The following RBFOX1 variants were observed in gnomAD, a reference collection of about 807,000 sequenced individuals.
The protein encoded by RBFOX1 is RNA binding protein fox-1 homolog 1.
In RBFOX1, 8 loss-of-function variants were observed where a neutral mutation model predicts 57.7. That is an observed-to-expected ratio of 0.14 (90% confidence interval 0.08 to 0.25). The LOEUF is 0.25. RBFOX1 is among the 10% of genes least tolerant of loss of function. The pLI is 1.00. For missense variants in RBFOX1, 611 were observed against 548.5 expected, an observed-to-expected ratio of 1.11 and a Z score of -1.14; for synonymous variants, 326 against 222.4, an observed-to-expected ratio of 1.47 and a Z score of -4.15.
intron 4 of RBFOX1, among the ~76,000 whole-genome samples, chr16:7,280,463 G>T (rs1464561676): frequency 6.6e-6 from 1 of 152,210 alleles, no homozygotes; most frequent in Admixed American, 6.5e-5. Flanking sequence ...ATAATAAGGT[G>T]TTGGTAGATA....
intron 4 of RBFOX1, among the ~76,000 whole-genome samples, chr16:7,299,301 C>G (rs2095973772): frequency 6.6e-6 from 1 of 152,182 alleles, no homozygotes; most frequent in Non-Finnish European, 1.5e-5. Context: ...TTCTAAACCA[C>G]CAATGTAACT....
intron 3 of RBFOX1, among the ~76,000 whole-genome samples, chr16:6,982,814 G>T (rs945374301): frequency 3.3e-5 from 5 of 151,952 alleles, no homozygotes; most frequent in African/African-American, 1.2e-4. Flanking sequence ...CCAACATGGC[G>T]GAGCCCTGTC....
At chr16:7,028,310 A>C (rs1043306655) in intron 3 of RBFOX1, among the ~76,000 whole-genome samples, 5 of 152,082 alleles carry the variant, frequency 3.3e-5, no homozygotes, top group African/African-American at 1.2e-4. Context: ...CTTGGTATAA[A>C]TGGGCTTCTG....
Position 7,142,606 on chromosome 16 carries a change from T to C in RBFOX1, c.27+90508T>C, listed in dbSNP as rs572562134. On this transcript the variant is annotated intron_variant, in intron 4 of 15. Coordinates refer to ENST00000550418, the MANE Select transcript of RBFOX1 (RefSeq NM_018723.4). ...ATTTTCTCACTGGGATTTTCCCTTA[T>C]CTACTCATCTTCTGGACTGTCAATC... 9.8e-4 allele frequency among the ~76,000 whole-genome samples: 150 copies of C among 152,336 alleles called. 1 individual carries two copies. Among genetic ancestry groups the C allele is most frequent in the African/African-American group, 3.4e-3 (142 of 41,580 alleles).
chr16:7,103,930 C>G (rs188013017), intron 4 of RBFOX1, among the ~76,000 whole-genome samples: 1 of 152,260 alleles, frequency 6.6e-6, no homozygotes, highest in East Asian at 1.9e-4. Context: ...TTTCAAACAT[C>G]CATGGACAAT....
At chr16:6,373,384 G>T (rs13338851) in intron 2 of RBFOX1, among the ~76,000 whole-genome samples, 5 of 146,172 alleles carry the variant, frequency 3.4e-5, no homozygotes, top group Non-Finnish European at 7.6e-5. Context: ...TAGTTTTTTA[G>T]GATCACTGGG....
intron 2 of RBFOX1, among the ~76,000 whole-genome samples, chr16:6,590,160 A>T (rs1478332838): frequency 6.6e-6 from 1 of 152,202 alleles, no homozygotes; most frequent in African/African-American, 2.4e-5. Flanking sequence ...AGTATGGGGA[A>T]CTTCTAAGTT....
intron 3 of RBFOX1, among the ~76,000 whole-genome samples, chr16:5,789,315 G>T (rs369413968): frequency 1.3e-5 from 2 of 152,182 alleles, no homozygotes; most frequent in East Asian, 3.9e-4. Context: ...TGGTGAAGGA[G>T]AGGCTGTGTG....
chr16:6,171,504 G>T (rs571058118), intron 1 of RBFOX1, among the ~76,000 whole-genome samples: 7 of 152,330 alleles, frequency 4.6e-5, no homozygotes, highest in Middle Eastern at 3.4e-3. Flanking sequence ...CTGGAGTTTG[G>T]TGGGATATTT....
intron 3 of RBFOX1, among the ~76,000 whole-genome samples, chr16:5,843,671 A>C (rs1404580428): frequency 2.0e-5 from 3 of 152,214 alleles, no homozygotes; most frequent in African/African-American, 4.8e-5. Context: ...CCATTCCTTG[A>C]AGCAAGGTAG....
At chr16:7,214,703 A>C (rs556402464) in intron 4 of RBFOX1, among the ~76,000 whole-genome samples, 2 of 152,156 alleles carry the variant, frequency 1.3e-5, no homozygotes, top group Admixed American at 6.5e-5. Flanking sequence ...CACACAGGCT[A>C]CCGTATACTG....
chr16:5,740,619 T>C (rs577153093), intron 3 of RBFOX1, among the ~76,000 whole-genome samples: 1 of 152,270 alleles, frequency 6.6e-6, no homozygotes, highest in East Asian at 1.9e-4. Flanking sequence ...GCTTCAGGCA[T>C]AGCTGGATCC....
intron 3 of RBFOX1, among the ~76,000 whole-genome samples, chr16:6,926,981 C>G (rs1382394482): frequency 6.6e-6 from 1 of 152,156 alleles, no homozygotes; most frequent in Non-Finnish European, 1.5e-5. Context: ...CTGCCAGCTT[C>G]TCAGACAGCT....
At chr16:7,110,586 G>A (rs1333220887) in intron 4 of RBFOX1, among the ~76,000 whole-genome samples, 1 of 152,126 alleles carries the variant, frequency 6.6e-6, no homozygotes, top group Non-Finnish European at 1.5e-5. Context: ...AGGGATCTCT[G>A]GGCACGAAGA....
At chr16:6,566,656 C>G (rs980687765) in intron 2 of RBFOX1, among the ~76,000 whole-genome samples, 17 of 152,166 alleles carry the variant, frequency 1.1e-4, no homozygotes, top group Non-Finnish European at 1.9e-4. Context: ...TTTACGCACA[C>G]TCCTCAAGTC....
At position 5,421,303 on chromosome 16, in the gene RBFOX1, G is replaced by A. The variant is rs142662463; in HGVS notation, c.220-45913G>A. Among the ~76,000 whole-genome samples the A allele has an allele frequency of 8.5e-5, 13 of 152,232 alleles. No individual in the cohort carries two copies. In the East Asian group the frequency reaches 2.1e-3, roughly 25 times the overall value. On this transcript the variant is annotated intron_variant, in intron 1 of 2. Coordinates refer to the RBFOX1 transcript ENST00000585867. ...ATTCCAGGCCTGAGCCACTGTGCCC[G>A]GCTATCATCCACCTTCTTCTTAAAT...
chr16:6,449,118 T>C (rs1742206262), intron 2 of RBFOX1, among the ~76,000 whole-genome samples: 1 of 152,188 alleles, frequency 6.6e-6, no homozygotes. Flanking sequence ...AAAGTGTTTC[T>C]ATGACCCTTC....
chr16:6,970,869 G>T (rs1243846756), intron 3 of RBFOX1, among the ~76,000 whole-genome samples: 1 of 152,208 alleles, frequency 6.6e-6, no homozygotes, highest in African/African-American at 2.4e-5. Context: ...GGCTGTGCTA[G>T]TAAGAGACAA....
rs79658036 is a variant in RBFOX1 at position 6,941,925 on chromosome 16, A to G, written c.-15-110132A>G. ...TGTGCTCAAGCAGTCCTCCCGCTTC[A>G]GTCTCCCAAGTAGCTGGGAAAGGAT... On this transcript the variant is annotated intron_variant, in intron 3 of 15. Transcript: ENST00000550418. 2.2e-3 allele frequency among the ~76,000 whole-genome samples: 335 copies of G among 152,206 alleles called. 11 individuals are homozygous for G. In the East Asian group the frequency reaches 0.052, roughly 24 times the overall value.
Sources: allele counts gnomAD v4.1 joint callset (sites outside exome capture counted in the v4.1 genomes callset), GRCh38; gene constraint gnomAD v4.1.1; transcripts MANE v1.5; gene names NCBI Gene and HGNC (gene_info 2026-07-23, HGNC 2026-07-21).